Variants in EFL1 observed in about 807,000 individuals in gnomAD.
The protein encoded by EFL1 is elongation factor-like GTPase 1.
EFL1 carries 76 observed loss-of-function variants against 126.7 expected under a neutral mutation model. That is an observed-to-expected ratio of 0.60 (90% CI 0.50 to 0.73). The LOEUF is 0.73. EFL1 is among the 30% of genes least tolerant of loss of function. The pLI, the probability that EFL1 is intolerant of heterozygous loss-of-function variation, is 0.00. For missense variants in EFL1, 1,128 were observed against 1,343.2 expected (o/e 0.84, Z 2.50); for synonymous variants, 410 against 448.4 (o/e 0.91, Z 1.08).
rs191714102 is a variant in EFL1, at chr15:82,166,053, T to C, written c.1751-2069A>G. 2.6e-5 allele frequency among the ~76,000 whole-genome samples: 4 copies of C among 152,322 alleles called. No homozygotes were observed. The East Asian group carries it at 7.7e-4, about 29-fold the overall frequency. On this transcript the variant is annotated intron_variant, in intron 15 of 19. Transcript: ENST00000268206. ...AGGTCTAAGTTTCCACTAAGTCTAC[T>C]AGAAATAACATCTCCCTAGAGGCTA...
rs1158545872 is a variant in EFL1, at chr15:82,130,319, TTGA to T, written c.*51_*53del. ...AAGAAATTTTCCCAATATTAAACCC[TTGA>T]TGATACTTTTAAATTCACTATAAGG... is the stretch of plus-strand genomic sequence containing the variant. On this transcript the variant is annotated 3_prime_UTR_variant, in exon 20 of 20. Transcript: ENST00000268206. 7.0e-6 allele frequency: 11 copies of T among 1,577,912 alleles called. No individual in the cohort carries two copies. The African/African-American group carries it at 1.5e-4, about 21-fold the overall frequency.
chr15:82,146,523 A>G (rs1467649375), intron 18 of EFL1, among the ~76,000 whole-genome samples: 2 of 152,020 alleles, frequency 1.3e-5, no homozygotes, highest in African/African-American at 4.8e-5. Context: ...TTGGTTATCA[A>G]TATAAAAGAG....
intron 8 of EFL1, among the ~76,000 whole-genome samples, chr15:82,230,160 T>A (rs2141315275): frequency 6.6e-6 from 1 of 152,314 alleles, no homozygotes; most frequent in East Asian, 1.9e-4. Flanking sequence ...TGTATATATC[T>A]ATGTAAAAAG....
At chr15:82,233,988 C>T (rs2074848051) in intron 7 of EFL1, among the ~76,000 whole-genome samples, 1 of 152,168 alleles carries the variant, frequency 6.6e-6, no homozygotes, top group Non-Finnish European at 1.5e-5. Flanking sequence ...AGTAGCCAAT[C>T]TCTAAATCTG....
chr15:82,218,334 G>C (rs529341231), intron 14 of EFL1, among the ~76,000 whole-genome samples: 1 of 152,108 alleles, frequency 6.6e-6, no homozygotes, highest in East Asian at 1.9e-4. Flanking sequence ...GTTGGAATTA[G>C]GTTTTATGGT....
chr15:82,138,525 T>G, intron 19 of EFL1, 133 bp downstream of exon 19: 1 of 1,000,660 alleles, frequency 1.0e-6, no homozygotes, highest in Non-Finnish European at 1.5e-6. Flanking sequence ...TGCTTTCTCC[T>G]GTCCATTTGA....
chr15:82,217,787 G>A (rs529416656), intron 14 of EFL1, among the ~76,000 whole-genome samples: 5 of 152,202 alleles, frequency 3.3e-5, no homozygotes, highest in African/African-American at 1.2e-4. Flanking sequence ...TCTAACAAAC[G>A]GAATATGGCA....
chr15:82,161,184 T>A (rs1291908624), intron 16 of EFL1, among the ~76,000 whole-genome samples: 3 of 147,212 alleles, frequency 2.0e-5, no homozygotes, highest in Admixed American at 6.8e-5. Flanking sequence ...GTTGTCACAA[T>A]AAAAAAAAAA....
At chr15:82,245,520 C>T (rs779537566) in intron 4 of EFL1, among the ~76,000 whole-genome samples, 5 of 152,066 alleles carry the variant, frequency 3.3e-5, no homozygotes, top group East Asian at 3.9e-4. Flanking sequence ...TCAACTAATA[C>T]GACTTATTAT....
chr15:82,166,861 T>C (rs1444449406), intron 15 of EFL1, among the ~76,000 whole-genome samples: 1 of 152,230 alleles, frequency 6.6e-6, no homozygotes, highest in Non-Finnish European at 1.5e-5. Context: ...TCAGTCACTT[T>C]AGTGAAAATT....
chr15:82,185,380 T>C (rs770949389), intron 15 of EFL1, among the ~76,000 whole-genome samples: 4 of 151,906 alleles, frequency 2.6e-5, no homozygotes, highest in Non-Finnish European at 4.4e-5. Flanking sequence ...AAAATGCATA[T>C]CTTCATAAAT....
chr15:82,209,395 T>C (rs541184497), intron 15 of EFL1, among the ~76,000 whole-genome samples: 60 of 151,344 alleles, frequency 4.0e-4, no homozygotes, highest in Middle Eastern at 3.4e-3. Context: ...CAACCAACCA[T>C]GGCAGACCTA....
intron 18 of EFL1, among the ~76,000 whole-genome samples, chr15:82,145,921 T>A (rs867370): frequency 0.35 from 51,808 of 148,790 alleles, 10,434 homozygotes; most frequent in East Asian, 0.6. Flanking sequence ...AATGTGGTTA[T>A]TACCAAAGAT....
Position 82,220,074 on chromosome 15 carries a change from A to G in EFL1, c.1444+4T>C, listed in dbSNP as rs751321697. Reference sequence around the variant, plus strand: ...GCAACAGAGCCTACTTAGGAAAGCTATACCTCTTGGCTCCTCTCCTTTTGG... The same window carrying G: ...GCAACAGAGCCTACTTAGGAAAGCTGTACCTCTTGGCTCCTCTCCTTTTGG... On this transcript the variant is annotated splice_donor_region_variant and intron_variant, in intron 13 of 19. Coordinates refer to ENST00000268206, the MANE Select transcript of EFL1 (RefSeq NM_024580.6). 12 of 1,599,902 alleles carry G rather than the reference A, an allele frequency of 7.5e-6. No individual in the cohort carries two copies. Among genetic ancestry groups the G allele is most frequent in the East Asian group, 2.2e-5 (1 of 44,808 alleles).
At chr15:82,159,526 T>C (rs1359518548) in intron 16 of EFL1, among the ~76,000 whole-genome samples, 1 of 152,058 alleles carries the variant, frequency 6.6e-6, no homozygotes, top group African/African-American at 2.4e-5. Flanking sequence ...ATTTTGAAAT[T>C]AGGTGTTTGA....
At chr15:82,222,263 G>A (rs2074719775) in intron 12 of EFL1, among the ~76,000 whole-genome samples, 2 of 152,078 alleles carry the variant, frequency 1.3e-5, no homozygotes, top group Non-Finnish European at 2.9e-5. Context: ...ATAAGAAAAG[G>A]GAGACTGGAA....
At chr15:82,230,720 G>A in intron 8 of EFL1, 128 bp downstream of exon 8, 1 of 1,140,844 alleles carries the variant, frequency 8.8e-7, no homozygotes. Flanking sequence ...ATTATATACA[G>A]TAAAAAATCC....
At chr15:82,155,438 G>T (rs2073957783) in intron 17 of EFL1, among the ~76,000 whole-genome samples, 1 of 152,286 alleles carries the variant, frequency 6.6e-6, no homozygotes, top group East Asian at 1.9e-4. Flanking sequence ...GGAAGCGGAG[G>T]TTGTAGTAAG....
intron 7 of EFL1, among the ~76,000 whole-genome samples, chr15:82,235,544 A>C (rs1948742): frequency 0.4 from 61,438 of 151,880 alleles, 12,858 homozygotes; most frequent in South Asian, 0.48. Flanking sequence ...GCTCAATATT[A>C]AAAAACATCA....
Sources: gnomAD v4.1 joint callset for allele counts (sites outside exome capture counted in the v4.1 genomes callset) on GRCh38, gnomAD v4.1.1 for gene constraint, MANE v1.5 for transcripts, NCBI Gene and HGNC (gene_info 2026-07-23, HGNC 2026-07-21) for gene names.